CPQ: variants seen among roughly 807,000 people sequenced by gnomAD.
CPQ encodes the protein Ser-Met dipeptidase.
CPQ carries 37 observed loss-of-function variants against 45.7 expected under a neutral mutation model. The ratio of observed to expected loss-of-function variants is 0.81; its 90% confidence interval spans 0.62 to 1.07. The LOEUF (loss-of-function observed/expected upper bound fraction) is 1.07. Ranked by LOEUF, CPQ falls within the 50% of genes least tolerant of loss-of-function variation. CPQ has a pLI of 0.00. For synonymous variants in CPQ, 186 were observed against 205.8 expected (o/e 0.90, Z 0.82); for missense variants, 537 against 572.9 (o/e 0.94, Z 0.64).
At chr8:96,691,796 G>A (rs1005603967) in intron 1 of CPQ, among the ~76,000 whole-genome samples, 46 of 152,248 alleles carry the variant, frequency 3.0e-4, no homozygotes, top group African/African-American at 1.1e-3. Flanking sequence ...TTTCTTTGAT[G>A]CTGGTATGAG....
rs555176146 is a variant in CPQ at position 97,042,008 on chromosome 8, T to A, written c.1053+12514T>A. 7.4e-3 allele frequency among the ~76,000 whole-genome samples: 1,131 copies of A among 152,290 alleles called. 10 individuals carry two copies. Among genetic ancestry groups the A allele is most frequent in the African/African-American group, 0.025 (1,054 of 41,558 alleles). On this transcript the variant is annotated intron_variant, in intron 6 of 7. Coordinates refer to ENST00000220763, the MANE Select transcript of CPQ (RefSeq NM_016134.4). ...GATGATGCTGGCCTCATAAAATGAG[T>A]TAGGGAGGATTCCCTCTTTTTCTAT...
intron 7 of CPQ, among the ~76,000 whole-genome samples, chr8:97,123,514 T>C (rs1188090451): frequency 6.6e-6 from 1 of 151,594 alleles, no homozygotes; most frequent in African/African-American, 2.4e-5. Context: ...CAACCATTTT[T>C]AAAAAATGGT....
At chr8:96,875,389 C>T (rs1281218461) in intron 3 of CPQ, among the ~76,000 whole-genome samples, 47 of 151,838 alleles carry the variant, frequency 3.1e-4, no homozygotes, top group Non-Finnish European at 8.9e-5. Context: ...CTCTAAGAAA[C>T]AATTTCCTTT....
intron 5 of CPQ, among the ~76,000 whole-genome samples, chr8:97,016,346 A>T (rs867351953): frequency 3.3e-5 from 5 of 152,330 alleles, no homozygotes; most frequent in African/African-American, 7.2e-5. Flanking sequence ...AACCTGTGTT[A>T]CTTGTGCTTT....
At chr8:97,059,098 C>A (rs191853776) in intron 6 of CPQ, among the ~76,000 whole-genome samples, 2 of 152,110 alleles carry the variant, frequency 1.3e-5, no homozygotes, top group African/African-American at 4.8e-5. Context: ...CGGACCTTAA[C>A]AAGCACAAGA....
At chr8:97,101,423 G>A (rs920536415) in intron 7 of CPQ, among the ~76,000 whole-genome samples, 33 of 150,954 alleles carry the variant, frequency 2.2e-4, no homozygotes, top group Middle Eastern at 3.5e-3. Flanking sequence ...TATTTCTGCC[G>A]TACTATATAT....
At chr8:97,098,286 A>G (rs1165794708) in intron 7 of CPQ, among the ~76,000 whole-genome samples, 2 of 152,170 alleles carry the variant, frequency 1.3e-5, no homozygotes, top group African/African-American at 2.4e-5. Flanking sequence ...TGGGGAGTCA[A>G]TGATGCACAA....
At chr8:96,819,587 G>T (rs1811275162) in intron 2 of CPQ, among the ~76,000 whole-genome samples, 1 of 152,054 alleles carries the variant, frequency 6.6e-6, no homozygotes, top group Admixed American at 6.6e-5. Context: ...AGGATTTTCT[G>T]GTGAAGCTCT....
intron 1 of CPQ, among the ~76,000 whole-genome samples, chr8:96,649,165 C>T (rs112544550): frequency 5.9e-5 from 9 of 152,236 alleles, no homozygotes; most frequent in East Asian, 1.9e-4. Flanking sequence ...TTAGTAGAGA[C>T]GGGACTTTGC....
intron 7 of CPQ, among the ~76,000 whole-genome samples, chr8:97,085,768 A>G (rs1811031477): frequency 6.6e-6 from 1 of 152,222 alleles, no homozygotes; most frequent in Non-Finnish European, 1.5e-5. Context: ...GGAGTTGTTT[A>G]ACGGCTGAAA....
At chr8:97,057,870 C>A (rs376155241) in intron 6 of CPQ, among the ~76,000 whole-genome samples, 7 of 152,156 alleles carry the variant, frequency 4.6e-5, no homozygotes, top group African/African-American at 1.7e-4. Flanking sequence ...GGACGGTAGT[C>A]ACAGAAGGCT....
At chr8:97,100,747 C>T (rs1039260772) in intron 7 of CPQ, among the ~76,000 whole-genome samples, 1 of 152,102 alleles carries the variant, frequency 6.6e-6, no homozygotes, top group Non-Finnish European at 1.5e-5. Flanking sequence ...CAACAGTGTT[C>T]TGGTTGACCT....
intron 4 of CPQ, among the ~76,000 whole-genome samples, chr8:96,957,919 A>C (rs1283334766): frequency 1.3e-5 from 2 of 151,122 alleles, no homozygotes; most frequent in South Asian, 2.1e-4. Flanking sequence ...CTGTAGCCAC[A>C]GTCTTCTGGA....
At chr8:96,999,429 C>T (rs1398121583) in intron 5 of CPQ, among the ~76,000 whole-genome samples, 4 of 151,564 alleles carry the variant, frequency 2.6e-5, no homozygotes, top group Non-Finnish European at 5.9e-5. Flanking sequence ...TATTTTGTTC[C>T]CCTCTACATG....
chr8:97,123,005 A>AAAATAAAAT, intron 7 of CPQ, among the ~76,000 whole-genome samples: 2 of 40,744 alleles, frequency 4.9e-5, no homozygotes, highest in African/African-American at 2.8e-4. Flanking sequence ...AATAAAATAT[A>AAAATAAAAT]AAATAAAATA....
intron 4 of CPQ, among the ~76,000 whole-genome samples, chr8:96,962,305 C>T (rs1211672329): frequency 6.6e-6 from 1 of 152,156 alleles, no homozygotes; most frequent in African/African-American, 2.4e-5. Context: ...ACTTTTTACT[C>T]TATACTGCAT....
intron 6 of CPQ, among the ~76,000 whole-genome samples, chr8:97,063,974 T>C (rs1563570238): frequency 6.6e-6 from 1 of 152,186 alleles, no homozygotes; most frequent in Non-Finnish European, 1.5e-5. Flanking sequence ...CATATGAATT[T>C]AAAATAGTTT....
At chr8:96,949,988 A>G (rs1813237479) in intron 4 of CPQ, among the ~76,000 whole-genome samples, 1 of 152,004 alleles carries the variant, frequency 6.6e-6, no homozygotes, top group African/African-American at 2.4e-5. Flanking sequence ...GAATAGGAGG[A>G]GTTTTATAAT....
At chr8:97,075,933 C>T (rs952719420) in intron 7 of CPQ, among the ~76,000 whole-genome samples, 2 of 152,186 alleles carry the variant, frequency 1.3e-5, no homozygotes, top group Non-Finnish European at 2.9e-5. Context: ...AGCAGATCTC[C>T]AAAATCACAT....
Sources: allele counts gnomAD v4.1 joint callset (sites outside exome capture counted in the v4.1 genomes callset), GRCh38; gene constraint gnomAD v4.1.1; transcripts MANE v1.5; gene names NCBI Gene and HGNC (gene_info 2026-07-23, HGNC 2026-07-21).